Variants in MACF1 observed in about 807,000 individuals in gnomAD.
MACF1 encodes the protein microtubule-actin cross-linking factor 1.
MACF1 carries 193 observed loss-of-function variants against 854.8 expected under a neutral mutation model. The ratio of observed to expected loss-of-function variants is 0.23; its 90% CI spans 0.20 to 0.25. The LOEUF is 0.25. Ranked by LOEUF, MACF1 falls within the 10% of genes least tolerant of loss-of-function variation. The pLI, the probability that MACF1 is intolerant of heterozygous loss-of-function variation, is 1.00. For synonymous variants in MACF1, 3,185 were observed against 3,226.7 expected (o/e 0.99, Z 0.44); for missense variants, 7,722 against 8,929.1 (o/e 0.86, Z 5.45).
At chr1:39,365,712 G>T (rs1484911522) in intron 49 of MACF1, among the ~76,000 whole-genome samples, 1 of 148,072 alleles carries the variant, frequency 6.8e-6, no homozygotes, top group Non-Finnish European at 1.5e-5. Flanking sequence ...ATCTTGTTCT[G>T]TCACCCAGGC....
At chr1:39,441,449 T>C in intron 74 of MACF1, 124 bp downstream of exon 74, 1 of 723,126 alleles carries the variant, frequency 1.4e-6, no homozygotes, top group Non-Finnish European at 2.3e-6. Context: ...GATAGTGGTG[T>C]TTCCACAAAT....
intron 76 of MACF1, 25 bp downstream of exon 76, chr1:39,442,345 A>G (rs572676528): frequency 2.5e-6 from 4 of 1,600,316 alleles, no homozygotes; most frequent in South Asian, 2.2e-5. Context: ...AGATGACATC[A>G]GTGAACTACT....
intron 2 of MACF1, among the ~76,000 whole-genome samples, chr1:39,126,643 T>C (rs935493686): frequency 2.0e-5 from 3 of 151,934 alleles, no homozygotes; most frequent in African/African-American, 7.2e-5. Flanking sequence ...AAAAATTAGC[T>C]GGGCGTGGTG....
chr1:39,099,814 C>T (rs960978447), intron 2 of MACF1, among the ~76,000 whole-genome samples: 2 of 152,146 alleles, frequency 1.3e-5, no homozygotes, highest in Non-Finnish European at 2.9e-5. Flanking sequence ...ATGTCTTTGC[C>T]CTCAGGAACC....
Position 39,310,923 on chromosome 1 carries a change from C to T in MACF1, c.3193C>T (p.Arg1065Ter). The T allele has an allele frequency of 6.2e-7, 1 of 1,614,118 alleles. No individual in the cohort carries two copies. The highest frequency in any genetic ancestry group is 8.5e-7 in the Non-Finnish European group (1 of 1,180,022). The change falls in exon 26 of 101, where the codon CGA becomes TGA. Residue 1065 changes from arginine (R) to a stop codon, truncating the protein, a stop_gained. Coordinates refer to ENST00000564288, the MANE Select transcript of MACF1 (RefSeq NM_001394062.1). LOFTEE classifies it high-confidence loss of function. ...GGAGTATGAACAGAGGGTGGTCAAA[C>T]GAATTCAGTCTCTAGCCAGCTCTAG... Reference protein sequence around the residue: ...LEEYEQRVVKRIQSLASSRTD... With the variant: ...LEEYEQRVVK
At chr1:39,402,925 G>A (rs1642531346) in intron 58 of MACF1, among the ~76,000 whole-genome samples, 1 of 151,842 alleles carries the variant, frequency 6.6e-6, no homozygotes, top group African/African-American at 2.4e-5. Flanking sequence ...TCCTAAATAT[G>A]TGGTTCCTTA....
rs1230298158 is a variant in MACF1 at position 39,477,096 on chromosome 1, C to T, written c.21959-2702C>T. Among the ~76,000 whole-genome samples the T allele has an allele frequency of 3.3e-3, 385 of 115,720 alleles. 12 individuals are homozygous for T. Among genetic ancestry groups the T allele is most frequent in the Non-Finnish European group, 5.0e-3 (290 of 58,432 alleles). 75.9% of individuals were successfully genotyped at this position (115,720 alleles called of 152,430 possible). On this transcript the variant is annotated intron_variant, in intron 97 of 100. Coordinates refer to ENST00000564288, the MANE Select transcript of MACF1 (RefSeq NM_001394062.1). ...ATATATATATATATATATATACACA[C>T]ACACACATATATACACTTAGTGTAT...
Position 39,422,464 on chromosome 1 carries a change from G to A in MACF1, c.15907G>A (p.Asp5303Asn). 1 of 1,614,078 alleles carries A rather than the reference G, an allele frequency of 6.2e-7. No homozygotes were observed. Among genetic ancestry groups the A allele is most frequent in the Admixed American group, 1.7e-5 (1 of 60,016 alleles). ...GGGATTAATTCAGAGTGCAGGAAAA[G>A]ACTGTGATGTACAGGGTTTAGAACA... ...GQGLIQSAGKDCDVQGLEHDM... is the reference protein window; with the variant it reads ...GQGLIQSAGKNCDVQGLEHDM... The change falls in exon 59 of 101, where the codon GAC becomes AAC. Residue 5303 changes from aspartate to asparagine, a missense_variant. This residue lies in a region of MACF1 where 2,807 missense variants were observed against 3,235.8 expected (regional missense o/e 0.87). Coordinates refer to ENST00000564288, the MANE Select transcript of MACF1 (RefSeq NM_001394062.1).
At chr1:39,128,593 G>A (rs1023061944) in intron 2 of MACF1, among the ~76,000 whole-genome samples, 1 of 152,110 alleles carries the variant, frequency 6.6e-6, no homozygotes, top group Admixed American at 6.6e-5. Flanking sequence ...TAGCTACTCG[G>A]GAGGCTAAGG....
At chr1:39,371,116 C>A (rs1339965353) in intron 51 of MACF1, among the ~76,000 whole-genome samples, 1 of 151,820 alleles carries the variant, frequency 6.6e-6, no homozygotes, top group Non-Finnish European at 1.5e-5. Flanking sequence ...GTCGGGAGTT[C>A]AAGATCAGCC....
At chr1:39,312,975 G>C (rs1002426587) in intron 26 of MACF1, among the ~76,000 whole-genome samples, 1 of 152,158 alleles carries the variant, frequency 6.6e-6, no homozygotes, top group African/African-American at 2.4e-5. Context: ...CCAGGATTCA[G>C]TCCAGGATTA....
chr1:39,254,111 C>T, intron 4 of MACF1, 187 bp from the exon 5 acceptor site: 1 of 569,796 alleles, frequency 1.8e-6, no homozygotes. Flanking sequence ...ATTTGGGGAC[C>T]TCAGAGAGCC....
intron 1 of MACF1, among the ~76,000 whole-genome samples, chr1:39,219,321 T>C (rs1476633144): frequency 1.3e-5 from 2 of 152,216 alleles, no homozygotes; most frequent in African/African-American, 4.8e-5. Flanking sequence ...AGACTTGGAT[T>C]TGAATCTCAA....
intron 79 of MACF1, 80 bp downstream of exon 79, chr1:39,443,654 T>A: frequency 2.1e-6 from 3 of 1,404,100 alleles, no homozygotes; most frequent in Non-Finnish European, 2.9e-6. Context: ...ATAATTAATA[T>A]GTATCTGGAA....
chr1:39,113,288 G>A (rs1355527279), intron 2 of MACF1, among the ~76,000 whole-genome samples: 1 of 152,084 alleles, frequency 6.6e-6, no homozygotes, highest in Non-Finnish European at 1.5e-5. Context: ...GCTTATTCAT[G>A]GTTGTTGACT....
chr1:39,482,821 C>T (rs1245407084), intron 99 of MACF1, among the ~76,000 whole-genome samples: 1 of 131,210 alleles, frequency 7.6e-6, no homozygotes, highest in Non-Finnish European at 1.6e-5. Context: ...AAAAACCCCA[C>T]ACAGATTTAA....
intron 31 of MACF1, 52 bp from the exon 32 acceptor site, chr1:39,322,556 T>C: frequency 1.4e-6 from 2 of 1,384,284 alleles, no homozygotes; most frequent in Non-Finnish European, 2.1e-6. Context: ...TTACATGATG[T>C]ATGTGAATTA....
intron 2 of MACF1, among the ~76,000 whole-genome samples, chr1:39,233,802 A>C (rs11205803): frequency 1.4e-5 from 1 of 70,076 alleles, no homozygotes; most frequent in Non-Finnish European, 2.8e-5. Flanking sequence ...TTTTTTATTT[A>C]TTTTTTATTG....
In MACF1 at chr1:39,327,239, A is replaced by G. The variant is rs188618759; in HGVS notation, c.4500A>G (p.Lys1500=). The change falls in exon 36 of 101, where the codon AAA becomes AAG. Residue 1500 remains lysine, a synonymous_variant. Transcript: ENST00000564288. ...CCAGGCTCTCAGAAAAAGAGAAGAA[A>G]CAAATATCTGAGCAATTGAATGCCC... ...HGHKLSEKEK[K]QISEQLNALN... is the part of the protein sequence containing the mutation. 8.3e-5 allele frequency: 131 copies of G among 1,578,166 alleles called. No homozygotes were observed. The highest frequency in any genetic ancestry group is 1.7e-4 in the Middle Eastern group (1 of 5,882).
Sources: allele counts gnomAD v4.1 joint callset (sites outside exome capture counted in the v4.1 genomes callset), GRCh38; gene constraint gnomAD v4.1.1; regional missense constraint gnomAD v4.1.1; transcripts MANE v1.5; gene names NCBI Gene and HGNC (gene_info 2026-07-23, HGNC 2026-07-21).